CST1: variants seen among roughly 807,000 people sequenced by gnomAD.
CST1 encodes the protein cystatin-SN.
CST1 carries 19 observed loss-of-function variants against 10.7 expected under a neutral mutation model. That is an observed-to-expected ratio of 1.78 (90% CI 1.24 to 2.61). The LOEUF is 2.61. Among genes scored for constraint, CST1 ranks in the 30% most tolerant of loss-of-function variants. CST1 has a pLI of 0.00. For synonymous variants in CST1, 95 were observed against 72.8 expected (o/e 1.31, Z -1.55); for missense variants, 247 against 178.1 (o/e 1.39, Z -2.20).
rs368203290 is a variant in CST1, at chr20:23,750,707, C to T, written c.160G>A (p.Glu54Lys). 7.9e-5 allele frequency: 128 copies of T among 1,614,128 alleles called. 1 individual carries two copies. Among genetic ancestry groups the T allele is most frequent in the South Asian group, 4.3e-4 (39 of 91,078 alleles). ...TCATCTTTGGTGGCCTTGTTATACT[C>T]GCTGATGGCGAAGTGAAGGGCACGC... ...VQRALHFAIS[E>K]YNKATKDDYY... Residue 54 changes from glutamate to lysine, a missense_variant, in exon 1 of 3, where the codon GAG becomes AAG. Glu to Lys is a moderately conservative substitution (Grantham distance 56). Coordinates refer to ENST00000304749, the MANE Select transcript of CST1 (RefSeq NM_001898.3).
chr20:23,747,784 G>T lies in CST1; in HGVS notation c.*32C>A. On this transcript the variant is annotated 3_prime_UTR_variant, in exon 3 of 3. Coordinates refer to ENST00000304749, the MANE Select transcript of CST1 (RefSeq NM_001898.3). ...AGCACTACAGGGGGTGGGAGTGGGT[G>T]GTGGCTGGTGCGAATGGCCTGGCAC... is the stretch of plus-strand genomic sequence containing the variant. 6.2e-7 allele frequency: 1 copy of T among 1,603,070 alleles called. No homozygotes were observed. Among genetic ancestry groups the T allele is most frequent in the East Asian group, 2.2e-5 (1 of 44,770 alleles).
chr20:23,750,502 G>C (rs577238931), intron 1 of CST1, 137 bp downstream of exon 1: 1 of 836,556 alleles, frequency 1.2e-6, no homozygotes, highest in Admixed American at 2.2e-5. Context: ...GGGCATCAGC[G>C]GAGAGCCAGG....
At chr20:23,749,167 T>G in intron 1 of CST1, 38 bp from the exon 2 acceptor site, 1 of 1,605,520 alleles carries the variant, frequency 6.2e-7, no homozygotes, top group Non-Finnish European at 8.5e-7. Context: ...CCCCCATCAG[T>G]TCATGCACTC....
intron 1 of CST1, among the ~76,000 whole-genome samples, chr20:23,749,384 T>G (rs1314811890): frequency 3.9e-5 from 6 of 152,242 alleles, no homozygotes; most frequent in African/African-American, 1.4e-4. Flanking sequence ...GAGGGAACAC[T>G]GACTCTTTTC....
Position 23,747,762 on chromosome 20 carries a change from A to G in CST1, c.*54T>C. 1.3e-6 allele frequency: 2 copies of G among 1,560,364 alleles called. No homozygotes were observed. Among genetic ancestry groups the G allele is most frequent in the Non-Finnish European group, 1.8e-6 (2 of 1,135,086 alleles). On this transcript the variant is annotated 3_prime_UTR_variant, in exon 3 of 3. Coordinates refer to ENST00000304749, the MANE Select transcript of CST1 (RefSeq NM_001898.3). ...GGGCCACCAGTCCAGGGGTGGGAGC[A>G]CTACAGGGGGTGGGAGTGGGTGGTG...
chr20:23,750,162 T>G (rs1982790073), intron 1 of CST1, among the ~76,000 whole-genome samples: 1 of 151,994 alleles, frequency 6.6e-6, no homozygotes, highest in South Asian at 2.1e-4. Context: ...CTCAGCGCCC[T>G]GGGCTGTAGG....
rs200996939 is a variant in CST1, at chr20:23,750,650, C to T, written c.217G>A (p.Ala73Thr). The change falls in exon 1 of 3, where the codon GCC becomes ACC. Residue 73 changes from alanine (A) to threonine (T), a missense_variant. By Grantham distance (58) the Ala-to-Thr change is moderately conservative. Coordinates refer to ENST00000304749, the MANE Select transcript of CST1 (RefSeq NM_001898.3). ...YYRRPLRVLRARQQTVGGVNY... is the reference protein window; with the variant it reads ...YYRRPLRVLRTRQQTVGGVNY... ...GAGGGAGCACCTACCTGTTGCCTGG[C>T]TCTTAGTACCCGCAGCGGACGTCTG... 6.2e-6 allele frequency: 10 copies of T among 1,613,792 alleles called. No individual in the cohort carries two copies. In the East Asian group the frequency reaches 1.8e-4, roughly 29 times the overall value.
chr20:23,749,373 C>T (rs183935304), intron 1 of CST1, among the ~76,000 whole-genome samples: 164 of 152,234 alleles, frequency 1.1e-3, no homozygotes, highest in Non-Finnish European at 1.8e-3. Flanking sequence ...GGCTCAGGGG[C>T]GAGGGAACAC....
rs758205665 is a variant in CST1 at position 23,750,629 on chromosome 20, G to C, written c.228+10C>G. On this transcript the variant is annotated intron_variant, in intron 1 of 2. Coordinates refer to ENST00000304749, the MANE Select transcript of CST1 (RefSeq NM_001898.3). The stretch of plus-strand genomic sequence containing the variant: ...GGACCCAGGACCCCTGGGGTGGAGG[G>C]AGCACCTACCTGTTGCCTGGCTCTT... 24 of 1,613,254 alleles carry C rather than the reference G, an allele frequency of 1.5e-5. No individual in the cohort carries two copies. The Admixed American group carries it at 1.8e-4, about 12-fold the overall frequency.
chr20:23,747,832 C>A lies in CST1; in HGVS notation c.410G>T (p.Arg137Met), dbSNP rs1340479353. The A allele has an allele frequency of 1.2e-6, 2 of 1,613,984 alleles. No individual in the cohort carries two copies. Among genetic ancestry groups the A allele is most frequent in the Non-Finnish European group, 1.7e-6 (2 of 1,179,874 alleles). Residue 137 changes from arginine (R) to methionine (M), a missense_variant, in exon 3 of 3, where the codon AGG (arginine) becomes ATG (methionine). By Grantham distance (91) the Arg-to-Met change is moderately conservative (BLOSUM62 -1). Transcript: ENST00000304749. ...WENRRSLVKS[R>M]CQES ...CACAGATCCCTAGGATTCTTGACAC[C>A]TGGATTTCACCAGGGACCTTCTGTT... is the stretch of plus-strand genomic sequence containing the variant.
chr20:23,750,506 A>T, intron 1 of CST1, 133 bp downstream of exon 1: 1 of 853,978 alleles, frequency 1.2e-6, no homozygotes, highest in East Asian at 2.6e-5. Context: ...ATCAGCGGAG[A>T]GCCAGGGAAA....
At chr20:23,748,541 G>C (rs528412528) in intron 2 of CST1, among the ~76,000 whole-genome samples, 4 of 152,064 alleles carry the variant, frequency 2.6e-5, no homozygotes, top group African/African-American at 7.2e-5. Flanking sequence ...GCACACAGCC[G>C]CACAGCTGCT....
Position 23,750,683 on chromosome 20 carries a change from C to T in CST1, c.184G>A (p.Asp62Asn). 6.2e-7 allele frequency: 1 copy of T among 1,614,098 alleles called. No individual in the cohort carries two copies. The highest frequency in any genetic ancestry group is 8.5e-7 in the Non-Finnish European group (1 of 1,180,024). ...ACCCGCAGCGGACGTCTGTAGTAGT[C>T]ATCTTTGGTGGCCTTGTTATACTCG... ...ISEYNKATKD[D>N]YYRRPLRVLR... Residue 62 changes from aspartate (D) to asparagine (N), a missense_variant, in exon 1 of 3, where the codon GAC becomes AAC. Physicochemically the swap from Asp to Asn is conservative, Grantham distance 23. Coordinates refer to ENST00000304749, the MANE Select transcript of CST1 (RefSeq NM_001898.3).
At position 23,747,925 on chromosome 20, in the gene CST1, A is replaced by G. The variant is rs370560948; in HGVS notation, c.343-26T>C. The G allele has an allele frequency of 8.8e-6, 14 of 1,597,370 alleles. No individual in the cohort carries two copies. In the African/African-American group the frequency reaches 1.3e-4, roughly 15 times the overall value. ...CTGTGAAAGGGAAGAGAGAGGGCCA[A>G]TCAGTGTGGGTTACAGTTAAAGGGG... On this transcript the variant is annotated intron_variant, in intron 2 of 2. Coordinates refer to ENST00000304749, the MANE Select transcript of CST1 (RefSeq NM_001898.3).
intron 2 of CST1, 63 bp downstream of exon 2, chr20:23,748,953 G>A (rs1057124611): frequency 8.7e-5 from 139 of 1,590,058 alleles, no homozygotes; most frequent in Admixed American, 2.5e-4. Flanking sequence ...GTAGGGCAGA[G>A]GCTGACACAT....
rs1331064186 is a variant in CST1 at position 23,748,336 on chromosome 20, G to A, written c.343-437C>T. Among the ~76,000 whole-genome samples, 9 of 152,216 alleles carry A rather than the reference G, an allele frequency of 5.9e-5. No homozygotes were observed. In the South Asian group the frequency reaches 6.2e-4, roughly 11 times the overall value. On this transcript the variant is annotated intron_variant, in intron 2 of 2. Transcript: ENST00000304749. ...GGGGCATGGGGCAAGGGCAACAAGG[G>A]GAGTGTGGCTCTCCCCTGAGTGGAG...
intron 1 of CST1, 85 bp from the exon 2 acceptor site, chr20:23,749,214 T>C (rs968027409): frequency 8.6e-6 from 9 of 1,049,016 alleles, no homozygotes; most frequent in African/African-American, 1.6e-5. Flanking sequence ...CTGGACTTGC[T>C]TGGGGGCTTC....
At chr20:23,748,737 C>T (rs1982741662) in intron 2 of CST1, among the ~76,000 whole-genome samples, 1 of 152,036 alleles carries the variant, frequency 6.6e-6, no homozygotes, top group Admixed American at 6.5e-5. Flanking sequence ...ATGTACAAAG[C>T]CCCATACACC....
In CST1 at chr20:23,747,835, G is replaced by A. The variant is rs747901870; in HGVS notation, c.407C>T (p.Ser136Phe). 8 of 1,614,014 alleles carry A rather than the reference G, an allele frequency of 5.0e-6. No individual in the cohort carries two copies. Among genetic ancestry groups the A allele is most frequent in the Non-Finnish European group, 6.8e-6 (8 of 1,179,888 alleles). ...AGATCCCTAGGATTCTTGACACCTGGATTTCACCAGGGACCTTCTGTTCTC... is the reference window on the plus strand; with the variant it reads ...AGATCCCTAGGATTCTTGACACCTGAATTTCACCAGGGACCTTCTGTTCTC... ...PWENRRSLVKSRCQES is the reference protein window; with the variant it reads ...PWENRRSLVKFRCQES The change falls in exon 3 of 3, where the codon TCC becomes TTC. Residue 136 changes from serine (S) to phenylalanine (F), a missense_variant. Transcript: ENST00000304749.
Sources: gnomAD v4.1 joint callset for allele counts (sites outside exome capture counted in the v4.1 genomes callset) on GRCh38, gnomAD v4.1.1 for gene constraint, MANE v1.5 for transcripts, NCBI Gene and HGNC (gene_info 2026-07-23, HGNC 2026-07-21) for gene names.